Variants in ADCY10 observed in about 807,000 individuals in gnomAD.
The protein encoded by ADCY10 is adenylate cyclase 10, also known as adenylate cyclase type 10.
A neutral mutation model predicts 183.3 loss-of-function variants in ADCY10; 156 were observed. The observed-to-expected ratio is 0.85, with a 90% CI of 0.75 to 0.97. The LOEUF is 0.97. ADCY10 is among the 50% of genes least tolerant of loss of function. ADCY10 has a pLI of 0.00. For synonymous variants in ADCY10, 645 were observed against 670.0 expected (o/e 0.96, Z 0.58); for missense variants, 1,745 against 1,934.3 (o/e 0.90, Z 1.84).
chr1:167,823,151 T>C (rs768129491), intron 28 of ADCY10, 28 bp from the exon 29 acceptor site: 1 of 1,591,916 alleles, frequency 6.3e-7, no homozygotes, highest in Non-Finnish European at 8.6e-7. Flanking sequence ...TAGTGGCCAT[T>C]AAAAAGTGGT....
In ADCY10 at chr1:167,880,096, A is replaced by ATGACAAGG. The variant is rs1667763136; in HGVS notation, c.1216+18_1216+19insCCTTGTCA. On this transcript the variant is annotated intron_variant, in intron 11 of 32. Coordinates refer to ENST00000367851, the MANE Select transcript of ADCY10 (RefSeq NM_018417.6). ...TGTGTTTGCAGAAAGAAAGCTGGAG[A>ATGACAAGG]TGAGCTGACCCAGCACACCTGTGTA... The ATGACAAGG allele has an allele frequency of 6.2e-7, 1 of 1,606,134 alleles. No individual in the cohort carries two copies. Among genetic ancestry groups the ATGACAAGG allele is most frequent in the Admixed American group, 1.7e-5 (1 of 59,206 alleles).
chr1:167,861,499 C>T (rs918302662), intron 14 of ADCY10, among the ~76,000 whole-genome samples: 3 of 152,224 alleles, frequency 2.0e-5, no homozygotes, highest in African/African-American at 7.2e-5. Flanking sequence ...GTTCCCTGCA[C>T]ACCCAGAGCT....
At chr1:167,848,993 C>A (rs759474376) in intron 18 of ADCY10, among the ~76,000 whole-genome samples, 1 of 152,090 alleles carries the variant, frequency 6.6e-6, no homozygotes, top group Non-Finnish European at 1.5e-5. Context: ...TAGATGTACT[C>A]AAAAATGTTT....
intron 31 of ADCY10, among the ~76,000 whole-genome samples, chr1:167,812,462 T>G (rs1473003158): frequency 6.6e-6 from 1 of 152,172 alleles, no homozygotes; most frequent in Non-Finnish European, 1.5e-5. Flanking sequence ...CTCAGGCTGA[T>G]CCTTGGCATA....
rs1669729231 is a variant in ADCY10, at chr1:167,905,167, T to C, written c.-27A>G. On this transcript the variant is annotated 5_prime_UTR_variant, in exon 2 of 33. Coordinates refer to ENST00000367851, the MANE Select transcript of ADCY10 (RefSeq NM_018417.6). ...TTCAAGACAAATGTTCAGGATTTTATGGTGACAGGAAGCAGTCTCCAAATA... is the reference window on the plus strand; with the variant it reads ...TTCAAGACAAATGTTCAGGATTTTACGGTGACAGGAAGCAGTCTCCAAATA... The C allele has an allele frequency of 1.9e-6, 3 of 1,614,166 alleles. No individual in the cohort carries two copies. Among genetic ancestry groups the C allele is most frequent in the South Asian group, 1.1e-5 (1 of 91,080 alleles).
rs777970021 is a variant in ADCY10, at chr1:167,883,578, C to A, written c.879G>T (p.Thr293=). 7 of 1,614,096 alleles carry A rather than the reference C, an allele frequency of 4.3e-6. No homozygotes were observed. Among genetic ancestry groups the A allele is most frequent in the Admixed American group, 1.7e-5 (1 of 60,000 alleles). ...QGYLSELRPV[T]IVFVNLMFED... ...CAAACATCAGGTTCACAAACACAAT[C>A]GTCACTGGGCGAAGCTCAGATAAAT... The change falls in exon 9 of 33, where the codon ACG becomes ACT. Residue 293 remains threonine (T), a synonymous_variant. Coordinates refer to ENST00000367851, the MANE Select transcript of ADCY10 (RefSeq NM_018417.6).
intron 21 of ADCY10, among the ~76,000 whole-genome samples, chr1:167,838,793 A>T (rs1345058778): frequency 1.3e-5 from 2 of 152,240 alleles, no homozygotes; most frequent in Non-Finnish European, 2.9e-5. Flanking sequence ...CAAAATTAAC[A>T]TGATTCAAAC....
rs112802552 is a variant in ADCY10 at position 167,824,193 on chromosome 1, G to A, written c.4052+283C>T. Among the ~76,000 whole-genome samples, 932 of 152,234 alleles carry A rather than the reference G, an allele frequency of 6.1e-3. 7 individuals are homozygous for A. Among genetic ancestry groups the A allele is most frequent in the African/African-American group, 0.021 (857 of 41,536 alleles). On this transcript the variant is annotated intron_variant, in intron 28 of 32. Transcript: ENST00000367851. ...AAAAATTAGCTGGGTGTGGTGGCAC[G>A]TTGCCTGTAATCCCAGCTACGTGGG...
chr1:167,907,038 T>C (rs1384843892), intron 1 of ADCY10, among the ~76,000 whole-genome samples: 2 of 152,144 alleles, frequency 1.3e-5, no homozygotes, highest in African/African-American at 2.4e-5. Context: ...TAAGAAAGAA[T>C]TGAAATCCAA....
chr1:167,840,862 A>G (rs1571270307), intron 21 of ADCY10, among the ~76,000 whole-genome samples: 1 of 152,178 alleles, frequency 6.6e-6, no homozygotes, highest in Non-Finnish European at 1.5e-5. Context: ...TAGGTTCAAG[A>G]TGTCAGACTA....
chr1:167,852,935 G>A (rs1018353292), intron 18 of ADCY10, among the ~76,000 whole-genome samples: 1 of 152,158 alleles, frequency 6.6e-6, no homozygotes, highest in Non-Finnish European at 1.5e-5. Context: ...AACATGGATA[G>A]GGACATCTGA....
At position 167,842,603 on chromosome 1, in the gene ADCY10, C is replaced by A. The variant is rs920143805; in HGVS notation, c.3007+2960G>T. On this transcript the variant is annotated intron_variant, in intron 21 of 32. Coordinates refer to ENST00000367851, the MANE Select transcript of ADCY10 (RefSeq NM_018417.6). Reference sequence around the variant, plus strand: ...AAGGAAGACACTGCAAAAAAAAAAACGTTTCCTAGTAACCCTAGGGAAAAT... The same window carrying A: ...AAGGAAGACACTGCAAAAAAAAAAAAGTTTCCTAGTAACCCTAGGGAAAAT... Among the ~76,000 whole-genome samples the A allele has an allele frequency of 2.1e-5, 3 of 144,484 alleles. 1 individual carries two copies. The highest frequency in any genetic ancestry group is 4.4e-4 in the South Asian group (2 of 4,528). The allele number at this position is 144,484 out of a possible 152,430, so 94.8% of individuals were successfully genotyped here.
chr1:167,843,511 C>T (rs569815638), intron 21 of ADCY10, among the ~76,000 whole-genome samples: 1 of 152,014 alleles, frequency 6.6e-6, no homozygotes, highest in Admixed American at 6.6e-5. Flanking sequence ...CTAAAGCTTC[C>T]TTAATTCAGG....
At chr1:167,841,502 C>CTTTTTTTTTTTTTTTTTTTTTTTTTTT (rs71100905) in intron 21 of ADCY10, among the ~76,000 whole-genome samples, 1 of 90,902 alleles carries the variant, frequency 1.1e-5, no homozygotes, top group African/African-American at 6.3e-5. Context: ...ATATGCTTTC[C>CTTTTTTTTTTTTTTTTTTTTTTTTTTT]TTTTTTTTTT....
chr1:167,910,606 G>T (rs1347708654), intron 1 of ADCY10, among the ~76,000 whole-genome samples: 5 of 152,196 alleles, frequency 3.3e-5, no homozygotes, highest in Non-Finnish European at 4.4e-5. Flanking sequence ...TTCATGGGAA[G>T]TATGCAGTGG....
intron 17 of ADCY10, 53 bp from the exon 18 acceptor site, chr1:167,854,542 G>A (rs890053891): frequency 1.8e-5 from 28 of 1,586,368 alleles, no homozygotes; most frequent in Non-Finnish European, 2.3e-5. Flanking sequence ...CTTTTAGGAA[G>A]GAAAAATATG....
At chr1:167,907,103 A>C (rs985548843) in intron 1 of ADCY10, among the ~76,000 whole-genome samples, 4 of 152,230 alleles carry the variant, frequency 2.6e-5, no homozygotes, top group Admixed American at 2.6e-4. Context: ...CTAGTCCCAG[A>C]CAACATATAT....
intron 6 of ADCY10, among the ~76,000 whole-genome samples, chr1:167,898,655 C>T (rs1669177379): frequency 6.6e-6 from 1 of 151,882 alleles, no homozygotes. Flanking sequence ...TGCTATAAGC[C>T]AGCTAGGCCA....
At chr1:167,810,634 A>T in intron 32 of ADCY10, 91 bp downstream of exon 32, 3 of 1,209,042 alleles carry the variant, frequency 2.5e-6, no homozygotes, top group East Asian at 4.7e-5. Context: ...TGTTAATGGC[A>T]GCCTGGTGAA....
Sources: allele counts gnomAD v4.1 joint callset (sites outside exome capture counted in the v4.1 genomes callset), GRCh38; gene constraint gnomAD v4.1.1; transcripts MANE v1.5; gene names NCBI Gene and HGNC (gene_info 2026-07-23, HGNC 2026-07-21).